Variants in B3GALT1 observed in about 807,000 individuals in gnomAD.
The protein encoded by B3GALT1 is UDP-Gal:betaGlcNAc beta 1,3-galactosyltransferase, polypeptide 1.
A neutral mutation model predicts 23.2 loss-of-function variants in B3GALT1; 10 were observed. The observed-to-expected ratio is 0.43, with a 90% CI of 0.27 to 0.73. B3GALT1 has a LOEUF of 0.73. Among genes scored for constraint, B3GALT1 ranks in the 30% least tolerant of loss-of-function variants. B3GALT1 has a pLI of 0.21. For synonymous variants in B3GALT1, 156 were observed against 141.5 expected (o/e 1.10, Z -0.73); for missense variants, 299 against 405.4 (o/e 0.74, Z 2.25).
intron 3 of B3GALT1, among the ~76,000 whole-genome samples, chr2:167,726,409 A>G (rs762230058): frequency 4.6e-5 from 7 of 152,176 alleles, no homozygotes; most frequent in African/African-American, 7.2e-5. Context: ...CCTGCCCAAG[A>G]CAGAGACTGA....
In B3GALT1 at chr2:167,566,010, C is replaced by T. The variant is rs542758488; in HGVS notation, c.-410+75733C>T. 3.3e-5 allele frequency among the ~76,000 whole-genome samples: 5 copies of T among 152,092 alleles called. No individual in the cohort carries two copies. The East Asian group carries it at 9.7e-4, about 29-fold the overall frequency. ...GCCATCCCATGACTGGGTATATACCCAAAGGACTATAAATCATGCTGCTAT... is the reference window on the plus strand; with the variant it reads ...GCCATCCCATGACTGGGTATATACCTAAAGGACTATAAATCATGCTGCTAT... On this transcript the variant is annotated intron_variant, in intron 2 of 4. Coordinates refer to ENST00000392690, the MANE Select transcript of B3GALT1 (RefSeq NM_020981.4).
intron 1 of B3GALT1, among the ~76,000 whole-genome samples, chr2:167,374,977 T>G (rs556793714): frequency 1.3e-5 from 2 of 152,296 alleles, no homozygotes; most frequent in African/African-American, 4.8e-5. Context: ...GGTCTTAAAT[T>G]TAAATCTTTA....
At chr2:167,307,611 C>A (rs182309487) in intron 1 of B3GALT1, among the ~76,000 whole-genome samples, 22 of 152,116 alleles carry the variant, frequency 1.4e-4, no homozygotes, top group African/African-American at 5.3e-4. Context: ...TCTGCCCCAG[C>A]CCCTGTTCAT....
At position 167,344,948 on chromosome 2, in the gene B3GALT1, T is replaced by G. The variant is rs560530140; in HGVS notation, c.-511+51614T>G. Among the ~76,000 whole-genome samples, 19 of 152,338 alleles carry G rather than the reference T, an allele frequency of 1.2e-4. No individual in the cohort carries two copies. The East Asian group carries it at 3.3e-3, about 26-fold the overall frequency. On this transcript the variant is annotated intron_variant, in intron 1 of 4. Transcript: ENST00000392690. ...ATTTCAACACTGGATTTACACAGAC[T>G]ATAAAAGTAGTTCTCATTTGGAGCT...
At chr2:167,454,761 G>A (rs1031816485) in intron 1 of B3GALT1, among the ~76,000 whole-genome samples, 12 of 152,108 alleles carry the variant, frequency 7.9e-5, no homozygotes, top group Non-Finnish European at 1.6e-4. Context: ...AGGTGAGATG[G>A]CAGTTTTTAC....
intron 4 of B3GALT1, among the ~76,000 whole-genome samples, chr2:167,830,008 G>A (rs904707265): frequency 5.3e-5 from 8 of 152,108 alleles, no homozygotes; most frequent in African/African-American, 1.7e-4. Context: ...TAGAAAGCAC[G>A]GATGTTCTTT....
At chr2:167,706,247 G>A (rs1487521087) in intron 3 of B3GALT1, among the ~76,000 whole-genome samples, 1 of 152,176 alleles carries the variant, frequency 6.6e-6, no homozygotes, top group Non-Finnish European at 1.5e-5. Context: ...GGCAAAGAAG[G>A]CAGAGGACAC....
At chr2:167,510,137 C>G (rs977777894) in intron 2 of B3GALT1, among the ~76,000 whole-genome samples, 1 of 152,082 alleles carries the variant, frequency 6.6e-6, no homozygotes, top group Non-Finnish European at 1.5e-5. Context: ...ATTATGGATA[C>G]AAGTAGTAGT....
At chr2:167,565,289 C>G (rs182191904) in intron 2 of B3GALT1, among the ~76,000 whole-genome samples, 1 of 152,086 alleles carries the variant, frequency 6.6e-6, no homozygotes, top group African/African-American at 2.4e-5. Context: ...GGTGCTGGGA[C>G]AACTGGCTAG....
At chr2:167,708,385 G>A (rs1686995897) in intron 3 of B3GALT1, among the ~76,000 whole-genome samples, 1 of 152,222 alleles carries the variant, frequency 6.6e-6, no homozygotes, top group African/African-American at 2.4e-5. Flanking sequence ...GTCAGGCCAG[G>A]TGCGGTAGCT....
intron 3 of B3GALT1, among the ~76,000 whole-genome samples, chr2:167,723,120 G>T (rs940577901): frequency 1.3e-5 from 2 of 152,214 alleles, no homozygotes; most frequent in African/African-American, 2.4e-5. Context: ...CTAAGGTTGT[G>T]ATGAATTTCA....
At chr2:167,372,581 A>G (rs1434013017) in intron 1 of B3GALT1, among the ~76,000 whole-genome samples, 2 of 152,116 alleles carry the variant, frequency 1.3e-5, no homozygotes, top group African/African-American at 4.8e-5. Context: ...TTTATTTAGA[A>G]AACCCTAAAT....
intron 3 of B3GALT1, among the ~76,000 whole-genome samples, chr2:167,748,760 T>C (rs1687689952): frequency 6.6e-6 from 1 of 152,166 alleles, no homozygotes; most frequent in South Asian, 2.1e-4. Context: ...GACTTGCTTT[T>C]AAGGAGTCTG....
chr2:167,762,842 CAAGT>C (rs1399294824), intron 3 of B3GALT1, among the ~76,000 whole-genome samples: 2 of 152,096 alleles, frequency 1.3e-5, no homozygotes, highest in South Asian at 2.1e-4. Context: ...AGTGAGAAAA[CAAGT>C]AAGATCCCAA....
chr2:167,464,676 G>A (rs1410590464), intron 1 of B3GALT1, among the ~76,000 whole-genome samples: 1 of 152,146 alleles, frequency 6.6e-6, no homozygotes, highest in African/African-American at 2.4e-5. Flanking sequence ...GTTACCTAAA[G>A]TTTCCTAACC....
At chr2:167,649,786 T>C (rs1329428829) in intron 3 of B3GALT1, among the ~76,000 whole-genome samples, 1 of 151,974 alleles carries the variant, frequency 6.6e-6, no homozygotes, top group African/African-American at 2.4e-5. Context: ...TTACCAAATT[T>C]GTTTATTAGC....
chr2:167,825,227 T>A (rs566004460), intron 4 of B3GALT1, among the ~76,000 whole-genome samples: 1 of 141,898 alleles, frequency 7.0e-6, no homozygotes, highest in East Asian at 2.1e-4. Context: ...AAGCTTGCAG[T>A]GAGCCGAGAT....
At chr2:167,789,620 GTAA>G (rs71848485) in intron 3 of B3GALT1, among the ~76,000 whole-genome samples, 15,264 of 151,998 alleles carry the variant, frequency 0.1, 1,664 homozygotes, top group East Asian at 0.3. Flanking sequence ...CATTATTGAG[GTAA>G]TAATAACACC....
At chr2:167,408,510 C>G (rs1273778532) in intron 1 of B3GALT1, among the ~76,000 whole-genome samples, 1 of 152,066 alleles carries the variant, frequency 6.6e-6, no homozygotes, top group Non-Finnish European at 1.5e-5. Context: ...ACTGGAACTG[C>G]TGGCCAGAGC....
Sources: allele counts gnomAD v4.1 joint callset (sites outside exome capture counted in the v4.1 genomes callset), GRCh38; gene constraint gnomAD v4.1.1; transcripts MANE v1.5; gene names NCBI Gene and HGNC (gene_info 2026-07-23, HGNC 2026-07-21).